The following NPNT variants were observed in gnomAD, a reference collection of about 807,000 sequenced individuals.
NPNT encodes the protein preosteoblast EGF-like repeat protein with MAM domain.
NPNT carries 45 observed loss-of-function variants against 68.6 expected under a neutral mutation model. The observed-to-expected ratio is 0.66, with a 90% CI of 0.52 to 0.84. The LOEUF (loss-of-function observed/expected upper bound fraction) is 0.84. Ranked by LOEUF, NPNT falls within the 40% of genes least tolerant of loss-of-function variation. The pLI, the probability that NPNT is intolerant of heterozygous loss-of-function variation, is 0.00. For synonymous variants in NPNT, 233 were observed against 253.3 expected (o/e 0.92, Z 0.76); for missense variants, 672 against 714.8 (o/e 0.94, Z 0.68).
chr4:105,906,118 G>A (rs539622756), intron 2 of NPNT, among the ~76,000 whole-genome samples: 6 of 152,268 alleles, frequency 3.9e-5, no homozygotes, highest in Admixed American at 1.3e-4. Flanking sequence ...TTTTTCAAAT[G>A]CAGATATGTA....
intron 2 of NPNT, among the ~76,000 whole-genome samples, chr4:105,923,865 T>G (rs1728463015): frequency 1.3e-5 from 2 of 152,086 alleles, no homozygotes; most frequent in Admixed American, 1.3e-4. Context: ...AAATAAAAAT[T>G]TTAAAAGCCA....
chr4:105,966,838 C>T (rs989010588), intron 10 of NPNT, among the ~76,000 whole-genome samples: 9 of 152,040 alleles, frequency 5.9e-5, no homozygotes, highest in East Asian at 1.9e-4. Flanking sequence ...TGTTGGACAA[C>T]GTTATCATAA....
At chr4:105,910,091 A>T (rs1192342589) in intron 2 of NPNT, among the ~76,000 whole-genome samples, 1 of 152,100 alleles carries the variant, frequency 6.6e-6, no homozygotes, top group Non-Finnish European at 1.5e-5. Context: ...TCAGTTCTTT[A>T]AAGTTTCTTA....
chr4:105,935,682 A>C (rs1337114169), intron 3 of NPNT, among the ~76,000 whole-genome samples: 1 of 152,212 alleles, frequency 6.6e-6, no homozygotes, highest in African/African-American at 2.4e-5. Context: ...TGGTTTATTT[A>C]TTTAACCTTT....
In NPNT at chr4:105,927,405, A is replaced by G; in HGVS notation, c.242A>G (p.Tyr81Cys). ...AACAAGTGCAAGTGTCATCCTGGTTATGCTGGAAAAACCTGTAATCAAGGT... is the reference window on the plus strand; with the variant it reads ...AACAAGTGCAAGTGTCATCCTGGTTGTGCTGGAAAAACCTGTAATCAAGGT... The part of the protein sequence containing the change: ...GPNKCKCHPG[Y>C]AGKTCNQDLN... Residue 81 changes from tyrosine to cysteine, a missense_variant, in exon 3 of 12, where the codon TAT (tyrosine) becomes TGT (cysteine). By Grantham distance (194) the Tyr-to-Cys change is radical. Coordinates refer to ENST00000379987, the MANE Select transcript of NPNT (RefSeq NM_001033047.3). 6.2e-7 allele frequency: 1 copy of G among 1,611,684 alleles called. No homozygotes were observed. The highest frequency in any genetic ancestry group is 8.5e-7 in the Non-Finnish European group (1 of 1,178,082).
In NPNT at chr4:105,895,669, CGCTGGT is replaced by C. The variant is rs1023057817; in HGVS notation, c.24_29del (p.Leu9_Val10del). The C allele has an allele frequency of 7.1e-6, 11 of 1,552,356 alleles. No individual in the cohort carries two copies. Among genetic ancestry groups the C allele is most frequent in the African/African-American group, 1.4e-5 (1 of 73,160 alleles). ...CTGCCCAACATGGATTTTCTCCTGGCGCTGGTGCTGGTATCCTCGCTCTACCTGCAG... is the reference window on the plus strand; with the variant it reads ...CTGCCCAACATGGATTTTCTCCTGGCGCTGGTATCCTCGCTCTACCTGCAG... On this transcript the variant is annotated inframe_deletion, in exon 1 of 12. Coordinates refer to ENST00000379987, the MANE Select transcript of NPNT (RefSeq NM_001033047.3).
At position 105,958,562 on chromosome 4, in the gene NPNT, CACTT is replaced by C. The variant is rs750949677; in HGVS notation, c.1246+8_1246+11del. The C allele has an allele frequency of 2.1e-5, 31 of 1,491,374 alleles. No individual in the cohort carries two copies. Among genetic ancestry groups the C allele is most frequent in the African/African-American group, 2.8e-5 (2 of 72,300 alleles). The allele number at this position is 1,491,374 out of a possible 1,614,324, so 92.4% of individuals were successfully genotyped here. A position where few individuals can be genotyped will look rare whatever the true frequency, so the allele number is the denominator to read the frequency against. On this transcript the variant is annotated splice_donor_region_variant and intron_variant, in intron 9 of 11. Coordinates refer to ENST00000379987, the MANE Select transcript of NPNT (RefSeq NM_001033047.3). ...ATGAAGCAAAGGATGATCCAGGTGA[CACTT>C]ACACTCTTAGTGCCATCATAATGAC...
Position 105,970,310 on chromosome 4 carries a change from T to C in NPNT, c.*1320T>C, listed in dbSNP as rs1732476811. On this transcript the variant is annotated 3_prime_UTR_variant, in exon 12 of 12. Transcript: ENST00000379987. Reference sequence around the variant, plus strand: ...AATATATTAAAAAACAATGTAACTTTTAAAAGGCATCATTCCTGAGGTTTG... The same window carrying C: ...AATATATTAAAAAACAATGTAACTTCTAAAAGGCATCATTCCTGAGGTTTG... 2 of 633,516 alleles carry C rather than the reference T, an allele frequency of 3.2e-6. No individual in the cohort carries two copies. The highest frequency in any genetic ancestry group is 5.6e-6 in the Non-Finnish European group (2 of 355,524). 39.2% of individuals were successfully genotyped at this position (633,516 alleles called of 1,614,324 possible).
At chr4:105,952,928 G>A (rs980310671) in intron 8 of NPNT, among the ~76,000 whole-genome samples, 4 of 152,188 alleles carry the variant, frequency 2.6e-5, no homozygotes, top group African/African-American at 7.2e-5. Flanking sequence ...AGGAGAAGGG[G>A]AGGCCGAGGC....
chr4:105,952,391 G>A (rs1730903555), intron 8 of NPNT, among the ~76,000 whole-genome samples: 1 of 152,168 alleles, frequency 6.6e-6, no homozygotes, highest in Non-Finnish European at 1.5e-5. Flanking sequence ...AGACAGTTGT[G>A]ATTTTAAAAT....
chr4:105,898,138 T>C, intron 2 of NPNT, 137 bp downstream of exon 2: 1 of 582,188 alleles, frequency 1.7e-6, no homozygotes, highest in Non-Finnish European at 3.0e-6. Context: ...GATTTTCAGG[T>C]ACAGTCCAGA....
At chr4:105,932,454 C>A in intron 3 of NPNT, 2 of 482,378 alleles carry the variant, frequency 4.1e-6, no homozygotes, top group South Asian at 7.9e-5. Flanking sequence ...AAAAGAGAAA[C>A]CAGAAGAACC....
At chr4:105,951,286 A>G (rs1033119976) in intron 8 of NPNT, among the ~76,000 whole-genome samples, 3 of 152,242 alleles carry the variant, frequency 2.0e-5, no homozygotes, top group Non-Finnish European at 2.9e-5. Context: ...ATGAGTGGCC[A>G]TATCAGAGAA....
chr4:105,936,920 T>G, intron 3 of NPNT, 89 bp from the exon 4 acceptor site: 2 of 1,343,446 alleles, frequency 1.5e-6, no homozygotes, highest in Non-Finnish European at 2.0e-6. Flanking sequence ...TTTTTCTCTT[T>G]CATTTTTTAA....
chr4:105,905,764 G>A (rs1422327184), intron 2 of NPNT, among the ~76,000 whole-genome samples: 1 of 152,064 alleles, frequency 6.6e-6, no homozygotes, highest in Non-Finnish European at 1.5e-5. Flanking sequence ...TTTAGATATG[G>A]AGGACATATC....
At position 105,938,628 on chromosome 4, in the gene NPNT, G is replaced by A. The variant is rs562835548; in HGVS notation, c.505+208G>A. Among the ~76,000 whole-genome samples the A allele has an allele frequency of 3.3e-4, 51 of 152,324 alleles. 1 individual carries two copies. In the South Asian group the frequency reaches 0.01, roughly 31 times the overall value. On this transcript the variant is annotated intron_variant, in intron 5 of 11. Coordinates refer to ENST00000379987, the MANE Select transcript of NPNT (RefSeq NM_001033047.3). Reference sequence around the variant, plus strand: ...TTTAAAAAATGAGAAATAGGAGGAGGCCTCAGGCAGAGGGAACCCTATGTG... The same window carrying A: ...TTTAAAAAATGAGAAATAGGAGGAGACCTCAGGCAGAGGGAACCCTATGTG...
At chr4:105,907,152 AG>A (rs930944904) in intron 2 of NPNT, among the ~76,000 whole-genome samples, 1 of 152,226 alleles carries the variant, frequency 6.6e-6, no homozygotes, top group African/African-American at 2.4e-5. Flanking sequence ...CAGAGTCTGT[AG>A]GAAATACTCT....
At chr4:105,902,481 C>T (rs1007111114) in intron 2 of NPNT, among the ~76,000 whole-genome samples, 7 of 152,116 alleles carry the variant, frequency 4.6e-5, no homozygotes, top group African/African-American at 1.4e-4. Flanking sequence ...CTTGGTGGAG[C>T]GGAGTACACT....
intron 3 of NPNT, among the ~76,000 whole-genome samples, chr4:105,929,919 T>C (rs1203648663): frequency 1.3e-5 from 2 of 152,156 alleles, no homozygotes; most frequent in Admixed American, 1.3e-4. Context: ...CACATACCTA[T>C]TTCTCTAAAG....
Sources: gnomAD v4.1 joint callset for allele counts (sites outside exome capture counted in the v4.1 genomes callset) on GRCh38, gnomAD v4.1.1 for gene constraint, MANE v1.5 for transcripts, NCBI Gene and HGNC (gene_info 2026-07-23, HGNC 2026-07-21) for gene names.